Variants in SLC2A13 observed in about 807,000 individuals in gnomAD.
SLC2A13 encodes the protein solute carrier family 2 member 13.
In SLC2A13, 32 loss-of-function variants were observed where a neutral mutation model predicts 64.4. That is an observed-to-expected ratio of 0.50 (90% CI 0.37 to 0.67). The LOEUF (loss-of-function observed/expected upper bound fraction) is 0.67, where lower values mean the gene tolerates loss of function less well. Among genes scored for constraint, SLC2A13 ranks in the 30% least tolerant of loss-of-function variants. The pLI, the probability that SLC2A13 is intolerant of heterozygous loss-of-function variation, is 0.00. For missense variants in SLC2A13, 743 were observed against 829.2 expected (o/e 0.90, Z 1.28); for synonymous variants, 338 against 327.1 (o/e 1.03, Z -0.36).
intron 4 of SLC2A13, among the ~76,000 whole-genome samples, chr12:39,902,983 A>G (rs1645775779): frequency 6.6e-6 from 1 of 152,120 alleles, no homozygotes; most frequent in African/African-American, 2.4e-5. Context: ...ATAAAAAGCT[A>G]ATCTCCTTTC....
At chr12:40,011,555 G>T (rs1009040511) in intron 3 of SLC2A13, among the ~76,000 whole-genome samples, 1 of 152,128 alleles carries the variant, frequency 6.6e-6, no homozygotes, top group Non-Finnish European at 1.5e-5. Context: ...GCTAAGGTTT[G>T]ATCCTTAACA....
At chr12:39,899,059 C>T (rs1014144468) in intron 4 of SLC2A13, among the ~76,000 whole-genome samples, 4 of 152,024 alleles carry the variant, frequency 2.6e-5, no homozygotes, top group South Asian at 2.1e-4. Flanking sequence ...AGGAATGGTA[C>T]CAGTTCCTCC....
At chr12:39,810,903 C>T (rs1942137867) in intron 7 of SLC2A13, among the ~76,000 whole-genome samples, 1 of 152,006 alleles carries the variant, frequency 6.6e-6, no homozygotes, top group Non-Finnish European at 1.5e-5. Context: ...CTTGCAGTTT[C>T]TGGATAGATT....
chr12:39,851,967 A>G (rs769360578), intron 6 of SLC2A13, among the ~76,000 whole-genome samples: 7 of 152,214 alleles, frequency 4.6e-5, no homozygotes. Context: ...TGTCTTATAT[A>G]TCTTTTATAC....
At chr12:39,823,190 A>C (rs551000970) in intron 7 of SLC2A13, among the ~76,000 whole-genome samples, 1 of 152,332 alleles carries the variant, frequency 6.6e-6, no homozygotes, top group African/African-American at 2.4e-5. Context: ...ATAATTTTAA[A>C]AGTCAAATGG....
At chr12:39,831,521 T>C (rs967247188) in intron 6 of SLC2A13, among the ~76,000 whole-genome samples, 1 of 152,184 alleles carries the variant, frequency 6.6e-6, no homozygotes, top group African/African-American at 2.4e-5. Flanking sequence ...ATGTTCAAAA[T>C]CAAAACACTT....
At chr12:39,831,056 C>T (rs757978437) in intron 6 of SLC2A13, among the ~76,000 whole-genome samples, 1 of 152,128 alleles carries the variant, frequency 6.6e-6, no homozygotes, top group African/African-American at 2.4e-5. Context: ...CCCTGTCACA[C>T]AATCATTTGC....
intron 5 of SLC2A13, 148 bp downstream of exon 5, chr12:39,871,647 TTTC>T: frequency 1.5e-6 from 1 of 669,468 alleles, no homozygotes; most frequent in Non-Finnish European, 2.2e-6. Flanking sequence ...CTCTTTTTTT[TTTC>T]TTTTTTGGTC....
chr12:39,988,710 GA>G, intron 3 of SLC2A13, among the ~76,000 whole-genome samples: 1 of 106,962 alleles, frequency 9.3e-6, no homozygotes, highest in Non-Finnish European at 1.8e-5. Context: ...AGGAAGGAAG[GA>G]AGGAAGGAAG....
chr12:39,957,623 A>G (rs747907099), intron 3 of SLC2A13, among the ~76,000 whole-genome samples: 2 of 152,164 alleles, frequency 1.3e-5, no homozygotes. Flanking sequence ...GAGAATAATT[A>G]CAAAAACGAG....
At chr12:40,063,580 G>A (rs1948461562) in intron 1 of SLC2A13, among the ~76,000 whole-genome samples, 1 of 151,590 alleles carries the variant, frequency 6.6e-6, no homozygotes, top group South Asian at 2.1e-4. Context: ...CAAAACCCTT[G>A]CCCAGAAGTG....
intron 3 of SLC2A13, among the ~76,000 whole-genome samples, chr12:39,954,369 T>G (rs2136105237): frequency 9.1e-5 from 1 of 10,944 alleles, no homozygotes; most frequent in South Asian, 3.2e-3. Flanking sequence ...AGGAGGAGAA[T>G]CTGGAGATCT....
At chr12:39,831,786 C>T (rs996358668) in intron 6 of SLC2A13, among the ~76,000 whole-genome samples, 1 of 152,132 alleles carries the variant, frequency 6.6e-6, no homozygotes, top group African/African-American at 2.4e-5. Context: ...CTTGCTCCCA[C>T]TTTCACTATG....
intron 7 of SLC2A13, among the ~76,000 whole-genome samples, chr12:39,801,539 T>C (rs1941792735): frequency 6.6e-6 from 1 of 152,160 alleles, no homozygotes; most frequent in Middle Eastern, 3.2e-3. Context: ...ATATTCCATT[T>C]AAGATTATTT....
At chr12:39,939,406 C>A (rs944873122) in intron 4 of SLC2A13, among the ~76,000 whole-genome samples, 2 of 152,180 alleles carry the variant, frequency 1.3e-5, no homozygotes, top group Non-Finnish European at 2.9e-5. Flanking sequence ...TAGTGAGTTA[C>A]CTACCTGCCA....
chr12:39,952,999 T>A (rs77357628), intron 3 of SLC2A13, among the ~76,000 whole-genome samples: 1,932 of 120,366 alleles, frequency 0.016, 13 homozygotes, highest in Middle Eastern at 0.038. Flanking sequence ...ATTTTTTTTT[T>A]AAAAAAAGAC....
intron 9 of SLC2A13, among the ~76,000 whole-genome samples, chr12:39,763,533 AG>A (rs1940240809): frequency 6.6e-6 from 1 of 152,086 alleles, no homozygotes; most frequent in South Asian, 2.1e-4. Context: ...CTGGCCCTCC[AG>A]GGATTTATAG....
chr12:39,917,452 C>T (rs1021790893), intron 4 of SLC2A13, among the ~76,000 whole-genome samples: 2 of 152,004 alleles, frequency 1.3e-5, no homozygotes, highest in Non-Finnish European at 2.9e-5. Context: ...AACATTGTTT[C>T]TGTGTGTGTC....
chr12:39,889,510 C>T (rs1000144367), intron 4 of SLC2A13, among the ~76,000 whole-genome samples: 9 of 149,814 alleles, frequency 6.0e-5, no homozygotes, highest in African/African-American at 1.5e-4. Flanking sequence ...GCCGACTTTA[C>T]GCTTCAGTGG....
Sources: gnomAD v4.1 joint callset for allele counts (sites outside exome capture counted in the v4.1 genomes callset) on GRCh38, gnomAD v4.1.1 for gene constraint, MANE v1.5 for transcripts, NCBI Gene and HGNC (gene_info 2026-07-23, HGNC 2026-07-21) for gene names.